Variants in CLYBL observed in about 807,000 individuals in gnomAD.
The protein encoded by CLYBL is citramalyl-CoA lyase, mitochondrial.
Under a neutral mutation model 38.9 loss-of-function variants are expected in CLYBL, and 31 were observed. That is an observed-to-expected ratio of 0.80 (90% CI 0.60 to 1.08). CLYBL has a LOEUF of 1.08. Among genes scored for constraint, CLYBL ranks in the 50% least tolerant of loss-of-function variants. The pLI is 0.00. For missense variants in CLYBL, 434 were observed against 411.6 expected (o/e 1.05, Z -0.47); for synonymous variants, 171 against 158.6 (o/e 1.08, Z -0.59).
chr13:99,907,948 C>A (rs1226772007), intron 9 of CLYBL, among the ~76,000 whole-genome samples: 1 of 152,220 alleles, frequency 6.6e-6, no homozygotes, highest in Admixed American at 6.5e-5. Flanking sequence ...GACTGCACCC[C>A]ATGGGCACCT....
At chr13:99,683,765 A>G (rs964332699) in intron 1 of CLYBL, among the ~76,000 whole-genome samples, 3 of 149,000 alleles carry the variant, frequency 2.0e-5, no homozygotes, top group African/African-American at 5.0e-5. Context: ...AAGGAGGCGT[A>G]TAGTCTAAAA....
chr13:99,617,658 T>A (rs2046733947), intron 1 of CLYBL, among the ~76,000 whole-genome samples: 1 of 152,214 alleles, frequency 6.6e-6, no homozygotes, highest in South Asian at 2.1e-4. Context: ...TGTAAGAGTT[T>A]TTTCTGTTCA....
chr13:99,707,044 C>T (rs1052614901), intron 1 of CLYBL, among the ~76,000 whole-genome samples: 1 of 152,064 alleles, frequency 6.6e-6, no homozygotes, highest in African/African-American at 2.4e-5. Context: ...ACATATTAGG[C>T]ATCACACTAA....
chr13:99,679,304 A>AAAAAAAAAAG (rs1555351594), intron 1 of CLYBL, among the ~76,000 whole-genome samples: 10 of 137,730 alleles, frequency 7.3e-5, no homozygotes, highest in East Asian at 2.1e-4. Context: ...AAAAAAAAAA[A>AAAAAAAAAAG]AAAAGAAAAG....
intron 2 of CLYBL, among the ~76,000 whole-genome samples, chr13:99,818,951 C>T (rs1317081753): frequency 3.9e-5 from 6 of 152,100 alleles, no homozygotes; most frequent in Non-Finnish European, 2.9e-5. Context: ...GCTGTTATAT[C>T]CTGCTTTGAG....
At chr13:99,710,366 C>T (rs2048212035) in intron 1 of CLYBL, among the ~76,000 whole-genome samples, 1 of 152,164 alleles carries the variant, frequency 6.6e-6, no homozygotes, top group African/African-American at 2.4e-5. Flanking sequence ...CCGCACATGG[C>T]ATTTGTTCTT....
chr13:99,855,898 A>G (rs2051448582), intron 2 of CLYBL, among the ~76,000 whole-genome samples: 2 of 152,234 alleles, frequency 1.3e-5, no homozygotes, highest in South Asian at 4.1e-4. Context: ...AATTGTAACA[A>G]GCAACAGCCG....
chr13:99,833,683 C>CTTTTTTTTT (rs35378080), intron 2 of CLYBL, among the ~76,000 whole-genome samples: 2 of 56,114 alleles, frequency 3.6e-5, no homozygotes, highest in African/African-American at 7.6e-5. Context: ...TACCGTGTTG[C>CTTTTTTTTT]TTTTTTTTTT....
intron 1 of CLYBL, among the ~76,000 whole-genome samples, chr13:99,711,810 G>A (rs2048237940): frequency 1.3e-5 from 2 of 151,410 alleles, no homozygotes; most frequent in African/African-American, 4.9e-5. Context: ...TCACCTCCTG[G>A]GTTCAAGCGA....
intron 1 of CLYBL, among the ~76,000 whole-genome samples, chr13:99,694,195 C>G (rs1044702938): frequency 1.3e-5 from 2 of 152,096 alleles, no homozygotes; most frequent in Admixed American, 1.3e-4. Flanking sequence ...TGTCTTCCCT[C>G]CCTTGTGTGT....
At chr13:99,745,610 T>G (rs1335002252) in intron 1 of CLYBL, among the ~76,000 whole-genome samples, 1 of 152,168 alleles carries the variant, frequency 6.6e-6, no homozygotes. Flanking sequence ...CACGATCACA[T>G]CCATATGTTT....
chr13:99,858,691 C>T (rs916489693), intron 2 of CLYBL, among the ~76,000 whole-genome samples, 170 bp from the exon 3 acceptor site: 5 of 152,330 alleles, frequency 3.3e-5, no homozygotes, highest in African/African-American at 1.2e-4. Flanking sequence ...AACTGCTCAC[C>T]TTTCAGACTG....
chr13:99,747,800 G>A (rs1398214670), intron 1 of CLYBL, among the ~76,000 whole-genome samples: 2 of 152,198 alleles, frequency 1.3e-5, no homozygotes, highest in African/African-American at 2.4e-5. Context: ...CTTCCTTAGC[G>A]AGGGCCAGCG....
chr13:99,833,759 G>C (rs942604403), intron 2 of CLYBL, among the ~76,000 whole-genome samples: 1 of 134,794 alleles, frequency 7.4e-6, no homozygotes, highest in Non-Finnish European at 1.5e-5. Flanking sequence ...GCGCAATCTC[G>C]GCTCACTGCA....
intron 1 of CLYBL, among the ~76,000 whole-genome samples, chr13:99,685,461 A>T (rs895581165): frequency 2.0e-5 from 3 of 152,206 alleles, no homozygotes; most frequent in African/African-American, 4.8e-5. Flanking sequence ...CTTAAAATCG[A>T]ACTTAAAAAA....
Position 99,820,119 on chromosome 13 carries a change from C to T in CLYBL, c.250-38742C>T, listed in dbSNP as rs185869033. Among the ~76,000 whole-genome samples, 19 of 152,256 alleles carry T rather than the reference C, an allele frequency of 1.2e-4. No individual in the cohort carries two copies. The East Asian group carries it at 3.3e-3, about 26-fold the overall frequency. On this transcript the variant is annotated intron_variant, in intron 2 of 8. Coordinates refer to ENST00000339105, the MANE Select transcript of CLYBL (RefSeq NM_206808.5). ...CTGTTGTCCCATCTATGCTGTGTCTCGCGGAGGCTGCTGTGTCTGTTTCTT... is the reference window on the plus strand; with the variant it reads ...CTGTTGTCCCATCTATGCTGTGTCTTGCGGAGGCTGCTGTGTCTGTTTCTT...
intron 1 of CLYBL, among the ~76,000 whole-genome samples, chr13:99,744,983 C>T (rs1004864210): frequency 2.6e-5 from 4 of 152,130 alleles, no homozygotes; most frequent in Non-Finnish European, 1.5e-5. Context: ...CTTTCAATCT[C>T]AAGTGAGACC....
chr13:99,738,023 A>G (rs1334611884), intron 1 of CLYBL, among the ~76,000 whole-genome samples: 1 of 152,236 alleles, frequency 6.6e-6, no homozygotes, highest in Non-Finnish European at 1.5e-5. Flanking sequence ...TTGTTAATCA[A>G]GGGCTTAATT....
At chr13:99,754,416 C>CAAAAAAAAAAAAAAAAAAA (rs1172376194) in intron 1 of CLYBL, among the ~76,000 whole-genome samples, 6 of 71,886 alleles carry the variant, frequency 8.3e-5, no homozygotes, top group African/African-American at 2.3e-4. Flanking sequence ...GACCCTGTCT[C>CAAAAAAAAAAAAAAAAAAA]AAAAAAAAAA....
Sources: allele counts gnomAD v4.1 joint callset (sites outside exome capture counted in the v4.1 genomes callset), GRCh38; gene constraint gnomAD v4.1.1; transcripts MANE v1.5; gene names NCBI Gene and HGNC (gene_info 2026-07-23, HGNC 2026-07-21).